The following EXOC6B variants were observed in gnomAD, a reference collection of about 807,000 sequenced individuals.
The protein encoded by EXOC6B is exocyst complex component 6B, also known as SEC15 homolog B.
In EXOC6B, 54 loss-of-function variants were observed where a neutral mutation model predicts 113.5. That is an observed-to-expected ratio of 0.48 (90% CI 0.38 to 0.60). The LOEUF (loss-of-function observed/expected upper bound fraction) is 0.60, where lower values mean the gene tolerates loss of function less well. Among genes scored for constraint, EXOC6B ranks in the 20% least tolerant of loss-of-function variants. The pLI is 0.00. For synonymous variants in EXOC6B, 357 were observed against 339.0 expected (o/e 1.05, Z -0.58); for missense variants, 797 against 977.5 (o/e 0.82, Z 2.46).
At chr2:72,568,426 T>C (rs1166663662) in intron 7 of EXOC6B, among the ~76,000 whole-genome samples, 1 of 152,040 alleles carries the variant, frequency 6.6e-6, no homozygotes, top group Non-Finnish European at 1.5e-5. Context: ...TAGAAGAATG[T>C]CATTGTCAGG....
intron 6 of EXOC6B, among the ~76,000 whole-genome samples, chr2:72,689,276 C>G (rs1264952700): frequency 3.9e-5 from 6 of 152,128 alleles, no homozygotes; most frequent in African/African-American, 1.4e-4. Context: ...CCAGAGCATC[C>G]TTTTAGGTTA....
At chr2:72,476,374 A>C (rs1289000918) in intron 17 of EXOC6B, among the ~76,000 whole-genome samples, 2 of 152,166 alleles carry the variant, frequency 1.3e-5, no homozygotes, top group Admixed American at 1.3e-4. Flanking sequence ...TGGGTGGTCT[A>C]TTTGAAATGT....
intron 10 of EXOC6B, among the ~76,000 whole-genome samples, chr2:72,514,105 A>G (rs772733144): frequency 6.6e-6 from 1 of 152,092 alleles, no homozygotes; most frequent in Non-Finnish European, 1.5e-5. Context: ...TATATAGCCT[A>G]TGGGATAAAC....
At chr2:72,526,535 T>TAC (rs2105737936) in intron 8 of EXOC6B, among the ~76,000 whole-genome samples, 1 of 152,058 alleles carries the variant, frequency 6.6e-6, no homozygotes, top group South Asian at 2.1e-4. Context: ...TTGCTACACA[T>TAC]ACACACACAA....
rs558946254 is a variant in EXOC6B at position 72,424,389 on chromosome 2, T to C, written c.1980+40771A>G. ...AATTTTAGTACATATAAGACTTGTGTAAAATTGTAGCATTCTTTTAATTTT... is the reference window on the plus strand; with the variant it reads ...AATTTTAGTACATATAAGACTTGTGCAAAATTGTAGCATTCTTTTAATTTT... On this transcript the variant is annotated intron_variant, in intron 18 of 21. Coordinates refer to ENST00000272427, the MANE Select transcript of EXOC6B (RefSeq NM_015189.3). 8.5e-5 allele frequency among the ~76,000 whole-genome samples: 13 copies of C among 152,262 alleles called. No homozygotes were observed. In the South Asian group the frequency reaches 2.7e-3, roughly 32 times the overall value.
chr2:72,756,916 C>T (rs1428195267), intron 1 of EXOC6B, among the ~76,000 whole-genome samples: 1 of 152,066 alleles, frequency 6.6e-6, no homozygotes, highest in Non-Finnish European at 1.5e-5. Flanking sequence ...ACTATATACA[C>T]ATTCAATATA....
At chr2:72,446,848 C>T (rs969777393) in intron 18 of EXOC6B, among the ~76,000 whole-genome samples, 4 of 152,114 alleles carry the variant, frequency 2.6e-5, no homozygotes, top group African/African-American at 4.8e-5. Context: ...CAGTGGCTCA[C>T]GCCAGAACTT....
Position 72,508,180 on chromosome 2 carries a change from A to AC in EXOC6B, c.1167+4951_1167+4952insG, listed in dbSNP as rs1228615949. On this transcript the variant is annotated intron_variant, in intron 11 of 21. Transcript: ENST00000272427. ...ATTACCCGCAAAAAAAAAAAAAAAA[A>AC]AAAAACACCTAAAAACAGTACTTTG... is the stretch of plus-strand genomic sequence containing the variant. Among the ~76,000 whole-genome samples, 12 of 149,936 alleles carry AC rather than the reference A, an allele frequency of 8.0e-5. 2 individuals are homozygous for AC. Among genetic ancestry groups the AC allele is most frequent in the African/African-American group, 2.9e-4 (12 of 40,682 alleles).
At chr2:72,299,935 G>T (rs183089573) in intron 20 of EXOC6B, among the ~76,000 whole-genome samples, 2 of 152,028 alleles carry the variant, frequency 1.3e-5, no homozygotes, top group Non-Finnish European at 2.9e-5. Context: ...GCTCTAGAGC[G>T]CTCCTGTATG....
intron 13 of EXOC6B, among the ~76,000 whole-genome samples, chr2:72,497,721 A>G (rs1335757256): frequency 1.3e-5 from 2 of 152,206 alleles, no homozygotes; most frequent in East Asian, 3.8e-4. Flanking sequence ...TCTTGAAGCT[A>G]TAAGAGTTTG....
At chr2:72,259,485 A>G (rs1683572612) in intron 20 of EXOC6B, among the ~76,000 whole-genome samples, 1 of 152,172 alleles carries the variant, frequency 6.6e-6, no homozygotes, top group African/African-American at 2.4e-5. Flanking sequence ...TGCAGTTGCT[A>G]TGAACATTCT....
intron 6 of EXOC6B, among the ~76,000 whole-genome samples, chr2:72,636,722 G>A (rs141828993): frequency 6.6e-6 from 1 of 152,148 alleles, no homozygotes; most frequent in East Asian, 1.9e-4. Flanking sequence ...CATAGTAAAT[G>A]GTTAAAGGCT....
chr2:72,218,004 T>G (rs1191587431), intron 20 of EXOC6B, among the ~76,000 whole-genome samples: 1 of 152,162 alleles, frequency 6.6e-6, no homozygotes, highest in Non-Finnish European at 1.5e-5. Flanking sequence ...ACTTTACAGA[T>G]GAAAAGAATA....
chr2:72,667,353 T>A (rs1027556202), intron 6 of EXOC6B, among the ~76,000 whole-genome samples: 3 of 152,224 alleles, frequency 2.0e-5, no homozygotes, highest in African/African-American at 7.2e-5. Context: ...AACATCATTT[T>A]TCAAATAATT....
At chr2:72,398,196 A>G (rs1428771985) in intron 18 of EXOC6B, among the ~76,000 whole-genome samples, 2 of 152,208 alleles carry the variant, frequency 1.3e-5, no homozygotes, top group African/African-American at 4.8e-5. Context: ...CTTGCAGTTA[A>G]GTCAGAACTT....
chr2:72,785,891 G>C (rs1480210289), intron 1 of EXOC6B, among the ~76,000 whole-genome samples: 1 of 152,154 alleles, frequency 6.6e-6, no homozygotes, highest in Non-Finnish European at 1.5e-5. Context: ...TAGTCAGGCT[G>C]CAAATTTTCC....
At chr2:72,320,727 C>T (rs910378439) in intron 20 of EXOC6B, among the ~76,000 whole-genome samples, 1 of 152,118 alleles carries the variant, frequency 6.6e-6, no homozygotes. Context: ...GACATTATAA[C>T]TGTATGTCAC....
intron 6 of EXOC6B, among the ~76,000 whole-genome samples, chr2:72,608,222 A>G (rs1670866291): frequency 6.6e-6 from 1 of 152,186 alleles, no homozygotes; most frequent in Admixed American, 6.5e-5. Flanking sequence ...GGAATTTGGA[A>G]AAGCCGTAAG....
chr2:72,304,695 A>G (rs773841518), intron 20 of EXOC6B, among the ~76,000 whole-genome samples: 53 of 152,294 alleles, frequency 3.5e-4, no homozygotes, highest in Middle Eastern at 6.8e-3. Context: ...AATACTCTTC[A>G]TGGTATGAAA....
Sources: allele counts gnomAD v4.1 joint callset (sites outside exome capture counted in the v4.1 genomes callset), GRCh38; gene constraint gnomAD v4.1.1; transcripts MANE v1.5; gene names NCBI Gene and HGNC (gene_info 2026-07-23, HGNC 2026-07-21).